Variants in NTM observed in about 807,000 individuals in gnomAD.
The protein encoded by NTM is IgLON family member 2.
A neutral mutation model predicts 42.1 loss-of-function variants in NTM; 13 were observed. The observed-to-expected ratio is 0.31, with a 90% CI of 0.20 to 0.49. The LOEUF (loss-of-function observed/expected upper bound fraction) is 0.49. Among genes scored for constraint, NTM ranks in the 20% least tolerant of loss-of-function variants. The probability of loss-of-function intolerance (pLI) is 0.99; values close to 1 mark genes in which losing one functional copy is unlikely to be tolerated. For missense variants in NTM, 373 were observed against 452.8 expected (o/e 0.82, Z 1.60); for synonymous variants, 187 against 179.2 (o/e 1.04, Z -0.35).
chr11:132,070,383 C>T lies in NTM; in HGVS notation c.168-75899C>T, dbSNP rs111516267. 7.8e-5 allele frequency among the ~76,000 whole-genome samples: 11 copies of T among 141,032 alleles called. 1 individual carries two copies. The highest frequency in any genetic ancestry group is 1.1e-4 in the Non-Finnish European group (7 of 64,160). The allele number at this position is 141,032 out of a possible 152,430, so 92.5% of individuals were successfully genotyped here. A position where few individuals can be genotyped will look rare whatever the true frequency, so the allele number is the denominator to read the frequency against. On this transcript the variant is annotated intron_variant, in intron 2 of 8. Coordinates refer to ENST00000683400, the MANE Select transcript of NTM (RefSeq NM_001352005.2). ...ACTGACCATCACAGGTTAGTTAACA[C>T]GTCACACAGCCAAGTAAGTTAACAC...
chr11:131,491,710 T>C (rs1447998615), intron 1 of NTM, among the ~76,000 whole-genome samples: 2 of 152,062 alleles, frequency 1.3e-5, no homozygotes, highest in African/African-American at 2.4e-5. Flanking sequence ...CTGGGGAGGA[T>C]AGGGAATCAG....
intron 1 of NTM, among the ~76,000 whole-genome samples, chr11:131,612,785 G>A (rs77517666): frequency 0.024 from 3,626 of 152,274 alleles, 146 homozygotes; most frequent in African/African-American, 0.082. Flanking sequence ...GTGCTGCAGG[G>A]CCCCACTAAG....
intron 1 of NTM, among the ~76,000 whole-genome samples, chr11:131,448,239 G>A (rs1177778075): frequency 6.6e-6 from 1 of 152,232 alleles, no homozygotes; most frequent in African/African-American, 2.4e-5. Flanking sequence ...GTGAGGGGTT[G>A]GAGCAGCTGT....
chr11:131,575,511 C>T (rs925621779), intron 1 of NTM, among the ~76,000 whole-genome samples: 7 of 151,378 alleles, frequency 4.6e-5, no homozygotes, highest in Admixed American at 2.0e-4. Flanking sequence ...TAGGAAGTGG[C>T]ACAGTCTAAC....
intron 1 of NTM, among the ~76,000 whole-genome samples, chr11:131,626,333 C>T (rs997605076): frequency 3.9e-5 from 6 of 152,058 alleles, no homozygotes; most frequent in African/African-American, 7.2e-5. Flanking sequence ...ATATGATATA[C>T]GTAATTACTA....
At chr11:132,057,338 A>T (rs1178902383) in intron 2 of NTM, among the ~76,000 whole-genome samples, 1 of 152,068 alleles carries the variant, frequency 6.6e-6, no homozygotes, top group African/African-American at 2.4e-5. Context: ...ACTCTCAGGC[A>T]TGTTTTAGCA....
rs201373939 is a variant in NTM at position 131,988,501 on chromosome 11, GT to G, written c.167+76854del. On this transcript the variant is annotated intron_variant, in intron 2 of 8. Coordinates refer to ENST00000683400, the MANE Select transcript of NTM (RefSeq NM_001352005.2). Reference sequence around the variant, plus strand: ...GTAAGTTACAATGGAGCTATCCTTTGTGGCCTGGTGACATAGTGACTGGCAG... The same window carrying G: ...GTAAGTTACAATGGAGCTATCCTTTGGGCCTGGTGACATAGTGACTGGCAG... Among the ~76,000 whole-genome samples the G allele has an allele frequency of 5.8e-4, 88 of 152,244 alleles. No individual in the cohort carries two copies. The East Asian group carries it at 0.015, about 25-fold the overall frequency.
intron 1 of NTM, among the ~76,000 whole-genome samples, chr11:131,837,596 C>T (rs982022994): frequency 6.6e-6 from 1 of 152,168 alleles, no homozygotes; most frequent in Non-Finnish European, 1.5e-5. Flanking sequence ...ACTCCTTCTG[C>T]TACATTTGGC....
At chr11:131,864,181 A>C (rs1284676999) in intron 1 of NTM, among the ~76,000 whole-genome samples, 1 of 152,222 alleles carries the variant, frequency 6.6e-6, no homozygotes, top group Admixed American at 6.5e-5. Context: ...TCCTCTTGAA[A>C]TGTAAAGATT....
At chr11:132,201,181 G>A (rs906636832) in intron 3 of NTM, among the ~76,000 whole-genome samples, 5 of 152,322 alleles carry the variant, frequency 3.3e-5, no homozygotes, top group Admixed American at 3.3e-4. Flanking sequence ...TCTAATTGAG[G>A]CTGGAGCTGC....
At chr11:131,504,125 T>G (rs2047186879) in intron 1 of NTM, among the ~76,000 whole-genome samples, 2 of 152,122 alleles carry the variant, frequency 1.3e-5, no homozygotes, top group Non-Finnish European at 2.9e-5. Flanking sequence ...GGCCCCTGCT[T>G]CTGGACACTG....
At chr11:131,551,450 G>T (rs1428940780) in intron 1 of NTM, among the ~76,000 whole-genome samples, 1 of 150,796 alleles carries the variant, frequency 6.6e-6, no homozygotes, top group Non-Finnish European at 1.5e-5. Flanking sequence ...CGATTGCAAT[G>T]AACCTGGTAT....
At chr11:132,056,946 TTCCAG>T (rs1479882198) in intron 2 of NTM, among the ~76,000 whole-genome samples, 4 of 152,210 alleles carry the variant, frequency 2.6e-5, no homozygotes, top group African/African-American at 9.6e-5. Flanking sequence ...AGCTTCTTGG[TTCCAG>T]GGGCGCCGCC....
rs56754322 is a variant in NTM, at chr11:132,328,485, T to TGG, written c.935-1662_935-1661dup. Among the ~76,000 whole-genome samples the TGG allele has an allele frequency of 4.3e-3, 659 of 152,126 alleles. 6 individuals are homozygous for TGG. The highest frequency in any genetic ancestry group is 0.015 in the African/African-American group (637 of 41,450). On this transcript the variant is annotated intron_variant, in intron 7 of 8. Coordinates refer to ENST00000683400, the MANE Select transcript of NTM (RefSeq NM_001352005.2). ...TGGAATAATTAAGCTGAGGTTTTTTTGGGGGGGTCTTTGTTTATAGAAAAC... is the reference window on the plus strand; with the variant it reads ...TGGAATAATTAAGCTGAGGTTTTTTTGGGGGGGGGTCTTTGTTTATAGAAAAC...
At chr11:131,789,730 G>A (rs1198026008) in intron 1 of NTM, among the ~76,000 whole-genome samples, 1 of 151,396 alleles carries the variant, frequency 6.6e-6, no homozygotes, top group African/African-American at 2.4e-5. Context: ...GTGGAGGCAG[G>A]CGGATCACGA....
intron 1 of NTM, among the ~76,000 whole-genome samples, chr11:131,584,634 A>T (rs2137218013): frequency 6.6e-6 from 1 of 152,368 alleles, no homozygotes; most frequent in South Asian, 2.1e-4. Flanking sequence ...TTTATTTGAA[A>T]AATGATGTAA....
rs1470680871 is a variant in NTM, at chr11:132,335,486, A to C, written c.*340A>C. ...GGGCAAGGGCTCAGCCTCTCTGCCCACAGAGTGCCCCCACGTGGAACATTC... is the reference window on the plus strand; with the variant it reads ...GGGCAAGGGCTCAGCCTCTCTGCCCCCAGAGTGCCCCCACGTGGAACATTC... On this transcript the variant is annotated 3_prime_UTR_variant, in exon 9 of 9. Coordinates refer to ENST00000683400, the MANE Select transcript of NTM (RefSeq NM_001352005.2). The C allele has an allele frequency of 3.6e-6, 1 of 276,754 alleles. No individual in the cohort carries two copies. Among genetic ancestry groups the C allele is most frequent in the Non-Finnish European group, 7.0e-6 (1 of 143,478 alleles). The allele number at this position is 276,754 out of a possible 1,614,324, so 17.1% of individuals were successfully genotyped here. A position where few individuals can be genotyped will look rare whatever the true frequency, so the allele number is the denominator to read the frequency against.
chr11:131,791,356 A>C (rs2090907633), intron 1 of NTM, among the ~76,000 whole-genome samples: 1 of 152,218 alleles, frequency 6.6e-6, no homozygotes, highest in Non-Finnish European at 1.5e-5. Context: ...GGACAGTATC[A>C]TTTTTGCTTG....
intron 1 of NTM, among the ~76,000 whole-genome samples, chr11:131,479,019 G>A (rs551886870): frequency 5.9e-5 from 9 of 152,308 alleles, no homozygotes; most frequent in East Asian, 1.9e-4. Flanking sequence ...CTAGTGCCCC[G>A]CACGCCACCT....
Sources: allele counts gnomAD v4.1 joint callset (sites outside exome capture counted in the v4.1 genomes callset), GRCh38; gene constraint gnomAD v4.1.1; transcripts MANE v1.5; gene names NCBI Gene and HGNC (gene_info 2026-07-23, HGNC 2026-07-21).